Variants in ZNF667 observed in about 807,000 individuals in gnomAD.
The protein encoded by ZNF667 is zinc finger protein 667, also known as myocardial ischemic preconditioning upregulated 1 ortholog.
A neutral mutation model predicts 31.8 loss-of-function variants in ZNF667; 13 were observed. The observed-to-expected ratio is 0.41, with a 90% CI of 0.27 to 0.65. The LOEUF is 0.65. Ranked by LOEUF, ZNF667 falls within the 30% of genes least tolerant of loss-of-function variation. ZNF667 has a pLI of 0.32. For missense variants in ZNF667, 642 were observed against 725.6 expected, an observed-to-expected ratio of 0.88 and a Z score of 1.32; for synonymous variants, 228 against 247.1, an observed-to-expected ratio of 0.92 and a Z score of 0.73.
At position 56,462,566 on chromosome 19, in the gene ZNF667, G is replaced by A. The variant is rs140225406; in HGVS notation, c.-59-137C>T. 9.5e-4 allele frequency: 605 copies of A among 636,106 alleles called. 3 individuals carry two copies. The highest frequency in any genetic ancestry group is 7.5e-3 in the African/African-American group (414 of 55,384). The allele number at this position is 636,106 out of a possible 1,614,324, so 39.4% of individuals were successfully genotyped here. ...ACACACAGATGTCAGAACACCTGGC[G>A]CATTCCTGTCCCCCCTCACCTGCTC... On this transcript the variant is annotated intron_variant, in intron 3 of 6. Transcript: ENST00000504904.
chr19:56,450,445 A>C (rs1263397795), intron 6 of ZNF667, among the ~76,000 whole-genome samples: 1 of 152,216 alleles, frequency 6.6e-6, no homozygotes, highest in Non-Finnish European at 1.5e-5. Flanking sequence ...TGTCAACACC[A>C]GACCTCTCCT....
At chr19:56,450,244 C>T (rs182715679) in intron 6 of ZNF667, among the ~76,000 whole-genome samples, 5 of 152,164 alleles carry the variant, frequency 3.3e-5, no homozygotes, top group Admixed American at 1.3e-4. Flanking sequence ...CAACATAAAA[C>T]GGAACTCTAA....
At chr19:56,455,035 T>TC in intron 6 of ZNF667, among the ~76,000 whole-genome samples, 1 of 152,280 alleles carries the variant, frequency 6.6e-6, no homozygotes, top group South Asian at 2.1e-4. Context: ...TAGACATTTC[T>TC]CAAAGACATA....
chr19:56,471,199 C>T (rs891957393), intron 3 of ZNF667, among the ~76,000 whole-genome samples: 2 of 152,230 alleles, frequency 1.3e-5, no homozygotes, highest in Middle Eastern at 3.4e-3. Flanking sequence ...TGTAAGACAC[C>T]TCCTCCCACT....
intron 6 of ZNF667, among the ~76,000 whole-genome samples, chr19:56,452,222 G>T (rs72490754): frequency 2.6e-5 from 4 of 151,960 alleles, no homozygotes; most frequent in Non-Finnish European, 5.9e-5. Context: ...TTAATTTCTT[G>T]TATTTTTAGT....
chr19:56,455,624 A>G (rs1600424259), intron 6 of ZNF667, among the ~76,000 whole-genome samples: 1 of 152,200 alleles, frequency 6.6e-6, no homozygotes, highest in South Asian at 2.1e-4. Context: ...AGAGGCTGGG[A>G]AGGGTAGCAG....
chr19:56,474,173 C>T (rs62121652), intron 1 of ZNF667, 49 bp from the exon 2 acceptor site: 26,214 of 152,248 alleles, frequency 0.17, 2,386 homozygotes, highest in Middle Eastern at 0.22. Flanking sequence ...GTTGTGCCTC[C>T]CTTCTGAGGC....
chr19:56,473,043 T>G (rs1162614808), intron 2 of ZNF667: 1 of 152,234 alleles, frequency 6.6e-6, no homozygotes, highest in East Asian at 1.9e-4. Context: ...TTTACCCCTG[T>G]TGTACTCTTT....
At chr19:56,454,012 A>G (rs1276594673) in intron 6 of ZNF667, among the ~76,000 whole-genome samples, 1 of 152,228 alleles carries the variant, frequency 6.6e-6, no homozygotes, top group East Asian at 1.9e-4. Context: ...AAATCAACAT[A>G]TAAAAATCCA....
At chr19:56,443,766 G>T (rs140351691) in intron 6 of ZNF667, among the ~76,000 whole-genome samples, 1 of 152,286 alleles carries the variant, frequency 6.6e-6, no homozygotes, top group East Asian at 1.9e-4. Context: ...TAAGAGATTA[G>T]ACTAAAAGAA....
chr19:56,466,275 T>G lies in ZNF667; in HGVS notation c.-59-3846A>C, dbSNP rs535632338. Among the ~76,000 whole-genome samples the G allele has an allele frequency of 4.6e-5, 7 of 152,164 alleles. No individual in the cohort carries two copies. The South Asian group carries it at 1.5e-3, about 32-fold the overall frequency. ...CTACAGGTTGGGTCCTGGGAGGCCCTCGAGAATGCTGGAACCTGGGAGGTG... is the reference window on the plus strand; with the variant it reads ...CTACAGGTTGGGTCCTGGGAGGCCCGCGAGAATGCTGGAACCTGGGAGGTG... On this transcript the variant is annotated intron_variant, in intron 3 of 6. Transcript: ENST00000504904.
At chr19:56,451,095 G>C (rs12981146) in intron 6 of ZNF667, among the ~76,000 whole-genome samples, 67,822 of 151,754 alleles carry the variant, frequency 0.45, 15,634 homozygotes, top group Middle Eastern at 0.55. Flanking sequence ...AACATGATTT[G>C]CCTATAAAGA....
intron 5 of ZNF667, among the ~76,000 whole-genome samples, chr19:56,460,412 G>A (rs1600435993): frequency 6.6e-6 from 1 of 152,188 alleles, no homozygotes; most frequent in Non-Finnish European, 1.5e-5. Flanking sequence ...GTGGCCAGGG[G>A]AGACGAAGAG....
intron 6 of ZNF667, among the ~76,000 whole-genome samples, chr19:56,451,263 C>T (rs1435560428): frequency 1.3e-5 from 2 of 151,796 alleles, no homozygotes; most frequent in Non-Finnish European, 2.9e-5. Flanking sequence ...ATCAATTCAG[C>T]AAAGGGATAT....
chr19:56,469,484 G>A (rs1468337812), intron 3 of ZNF667, among the ~76,000 whole-genome samples: 1 of 152,118 alleles, frequency 6.6e-6, no homozygotes, highest in Non-Finnish European at 1.5e-5. Context: ...CCTACTTCTG[G>A]AGGGAGTTGT....
At chr19:56,460,845 C>T in intron 4 of ZNF667, 30 bp from the exon 5 acceptor site, 2 of 1,550,118 alleles carry the variant, frequency 1.3e-6, no homozygotes, top group Non-Finnish European at 1.7e-6. Context: ...GTCTATTCAC[C>T]ATGGACTTGT....
At chr19:56,448,551 T>A (rs1330655305) in intron 6 of ZNF667, among the ~76,000 whole-genome samples, 1 of 151,430 alleles carries the variant, frequency 6.6e-6, no homozygotes, top group East Asian at 1.9e-4. Flanking sequence ...CTCTCCCAAC[T>A]CCAGGCAGCA....
At chr19:56,450,525 G>A (rs1466651934) in intron 6 of ZNF667, among the ~76,000 whole-genome samples, 1 of 152,102 alleles carries the variant, frequency 6.6e-6, no homozygotes, top group Non-Finnish European at 1.5e-5. Context: ...AAAGTCATCT[G>A]AACATACAAC....
At chr19:56,471,208 C>A (rs1021756427) in intron 3 of ZNF667, among the ~76,000 whole-genome samples, 3 of 152,184 alleles carry the variant, frequency 2.0e-5, no homozygotes, top group African/African-American at 7.2e-5. Context: ...CCTCCTCCCA[C>A]TTTGCCTTCT....
Sources: allele counts gnomAD v4.1 joint callset (sites outside exome capture counted in the v4.1 genomes callset), GRCh38; gene constraint gnomAD v4.1.1; transcripts MANE v1.5; gene names NCBI Gene and HGNC (gene_info 2026-07-23, HGNC 2026-07-21).